The following PPP3CA variants were observed in gnomAD, a reference collection of about 807,000 sequenced individuals.
PPP3CA encodes protein phosphatase 3 catalytic subunit alpha.
In PPP3CA, 14 loss-of-function variants were observed where a neutral mutation model predicts 66.5. That is an observed-to-expected ratio of 0.21 (90% CI 0.14 to 0.33). PPP3CA has a LOEUF of 0.33. Ranked by LOEUF, PPP3CA falls within the 10% of genes least tolerant of loss-of-function variation. The probability of loss-of-function intolerance (pLI) is 1.00; values close to 1 mark genes in which losing one functional copy is unlikely to be tolerated. For synonymous variants in PPP3CA, 232 were observed against 226.2 expected (o/e 1.03, Z -0.23); for missense variants, 317 against 639.5 (o/e 0.50, Z 5.44).
intron 7 of PPP3CA, among the ~76,000 whole-genome samples, chr4:101,082,410 CT>C (rs1729480342): frequency 6.6e-6 from 1 of 152,156 alleles, no homozygotes; most frequent in Non-Finnish European, 1.5e-5. Flanking sequence ...AGTGCTACTA[CT>C]TTTCAGAAAA....
chr4:101,047,550 CT>C (rs1727821939), intron 10 of PPP3CA, among the ~76,000 whole-genome samples: 3 of 151,970 alleles, frequency 2.0e-5, no homozygotes, highest in African/African-American at 4.8e-5. Context: ...TTATATTATT[CT>C]TTTTTTCTTT....
intron 2 of PPP3CA, among the ~76,000 whole-genome samples, chr4:101,153,357 C>T (rs1187270156): frequency 3.3e-5 from 5 of 152,056 alleles, no homozygotes; most frequent in African/African-American, 1.2e-4. Flanking sequence ...TTGCTAAGTT[C>T]AACTATCAGC....
intron 8 of PPP3CA, among the ~76,000 whole-genome samples, chr4:101,064,222 C>T (rs932930099): frequency 2.0e-5 from 3 of 151,898 alleles, no homozygotes; most frequent in African/African-American, 7.2e-5. Context: ...GAAAAGTCAC[C>T]TGTTTTAATG....
rs1228849177 is a variant in PPP3CA, at chr4:101,172,546, T to C, written c.259+23370A>G. 2.6e-5 allele frequency among the ~76,000 whole-genome samples: 4 copies of C among 152,272 alleles called. No individual in the cohort carries two copies. The East Asian group carries it at 7.7e-4, about 29-fold the overall frequency. On this transcript the variant is annotated intron_variant, in intron 2 of 13. Coordinates refer to ENST00000394854, the MANE Select transcript of PPP3CA (RefSeq NM_000944.5). ...CCCTTGTGACTAAATGTCCCCAAAA[T>C]GTTTTCCTCACTTTCCTTTCTTTTA... is the stretch of plus-strand genomic sequence containing the variant.
chr4:101,323,982 A>G (rs1729119949), intron 1 of PPP3CA, among the ~76,000 whole-genome samples: 1 of 152,072 alleles, frequency 6.6e-6, no homozygotes, highest in African/African-American at 2.4e-5. Context: ...GAGTGGTGGC[A>G]CACACTTGTA....
intron 1 of PPP3CA, among the ~76,000 whole-genome samples, chr4:101,307,676 T>C (rs1728590367): frequency 6.6e-6 from 1 of 152,168 alleles, no homozygotes; most frequent in South Asian, 2.1e-4. Flanking sequence ...TGGTGGAAAT[T>C]TTCTTGGATG....
chr4:101,339,971 C>T (rs6831824), intron 1 of PPP3CA, among the ~76,000 whole-genome samples: 18,720 of 152,116 alleles, frequency 0.12, 3,754 homozygotes, highest in African/African-American at 0.42. Context: ...AAAATCACCA[C>T]AGAAAGACTC....
At chr4:101,186,602 T>C (rs1256202480) in intron 2 of PPP3CA, among the ~76,000 whole-genome samples, 2 of 152,288 alleles carry the variant, frequency 1.3e-5, no homozygotes, top group African/African-American at 4.8e-5. Flanking sequence ...TTCTTTCTAA[T>C]TGATATACTG....
chr4:101,077,265 ACT>A (rs2110236911), intron 8 of PPP3CA, among the ~76,000 whole-genome samples: 1 of 152,280 alleles, frequency 6.6e-6, no homozygotes, highest in East Asian at 1.9e-4. Context: ...TATTTTTCTC[ACT>A]GTTTCATTTT....
At chr4:101,097,641 T>A (rs948608760) in intron 5 of PPP3CA, among the ~76,000 whole-genome samples, 5 of 152,154 alleles carry the variant, frequency 3.3e-5, no homozygotes, top group Non-Finnish European at 7.4e-5. Context: ...ATCTTTTACA[T>A]CATTGCAATC....
Position 101,275,859 on chromosome 4 carries a change from TG to T in PPP3CA, c.58+70879del, listed in dbSNP as rs199774828. On this transcript the variant is annotated intron_variant, in intron 1 of 13. Coordinates refer to ENST00000394854, the MANE Select transcript of PPP3CA (RefSeq NM_000944.5). ...GCTTTTTGTTTTCTGTGTGTATGTG[TG>T]GTTTTTTTTTTGTTTTTTGTTTGTT... Among the ~76,000 whole-genome samples the T allele has an allele frequency of 5.3e-3, 718 of 135,922 alleles. 4 individuals are homozygous for T. The highest frequency in any genetic ancestry group is 0.02 in the African/African-American group (681 of 33,472). 89.2% of individuals were successfully genotyped at this position (135,922 alleles called of 152,430 possible).
intron 2 of PPP3CA, among the ~76,000 whole-genome samples, chr4:101,177,992 G>A (rs548177192): frequency 6.6e-6 from 1 of 152,128 alleles, no homozygotes; most frequent in South Asian, 2.1e-4. Flanking sequence ...AATTTTAGTG[G>A]TAATAAGTGA....
chr4:101,314,569 C>CAA (rs748980814), intron 1 of PPP3CA, among the ~76,000 whole-genome samples: 5,873 of 74,802 alleles, frequency 0.079, 84 homozygotes, highest in African/African-American at 0.14. Flanking sequence ...ATCTCAAAAC[C>CAA]AAAAAAAAAA....
intron 13 of PPP3CA, among the ~76,000 whole-genome samples, chr4:101,027,853 G>A (rs1447599214): frequency 6.6e-6 from 1 of 152,166 alleles, no homozygotes; most frequent in African/African-American, 2.4e-5. Flanking sequence ...ATCCTGGTAT[G>A]GAAGAATGTG....
intron 1 of PPP3CA, among the ~76,000 whole-genome samples, chr4:101,278,144 A>AAAATAAAT (rs1553937793): frequency 6.9e-6 from 1 of 145,176 alleles, no homozygotes; most frequent in African/African-American, 2.6e-5. Flanking sequence ...AAAAAATAAA[A>AAAATAAAT]AAATTAAAAA....
intron 1 of PPP3CA, among the ~76,000 whole-genome samples, chr4:101,254,641 T>C (rs761962650): frequency 2.6e-4 from 40 of 151,892 alleles, no homozygotes; most frequent in Non-Finnish European, 5.5e-4. Context: ...CATACAGACA[T>C]GATCCAAGAG....
At chr4:101,236,899 T>C (rs1170186907) in intron 1 of PPP3CA, among the ~76,000 whole-genome samples, 2 of 151,590 alleles carry the variant, frequency 1.3e-5, no homozygotes, top group East Asian at 3.9e-4. Context: ...CTACTAGTTA[T>C]ATGAAGACTC....
chr4:101,047,317 A>G (rs937473840), intron 10 of PPP3CA, among the ~76,000 whole-genome samples: 1 of 152,196 alleles, frequency 6.6e-6, no homozygotes, highest in African/African-American at 2.4e-5. Flanking sequence ...TGTAGCCTTT[A>G]TAATTTTTAG....
intron 2 of PPP3CA, among the ~76,000 whole-genome samples, chr4:101,123,959 G>C (rs527917290): frequency 1.4e-3 from 213 of 152,262 alleles, no homozygotes; most frequent in Non-Finnish European, 2.7e-3. Context: ...TAGAATAACT[G>C]GTACAGGTTA....
Sources: gnomAD v4.1 joint callset for allele counts (sites outside exome capture counted in the v4.1 genomes callset) on GRCh38, gnomAD v4.1.1 for gene constraint, MANE v1.5 for transcripts, NCBI Gene and HGNC (gene_info 2026-07-23, HGNC 2026-07-21) for gene names.